DLG2: variants seen among roughly 807,000 people sequenced by gnomAD.
DLG2 encodes the protein disks large homolog 2.
A neutral mutation model predicts 132.5 loss-of-function variants in DLG2; 45 were observed. The ratio of observed to expected loss-of-function variants is 0.34; its 90% CI spans 0.27 to 0.44. DLG2 has a LOEUF of 0.44. Among genes scored for constraint, DLG2 ranks in the 20% least tolerant of loss-of-function variants. DLG2 has a pLI of 1.00. For synonymous variants in DLG2, 424 were observed against 419.6 expected, an observed-to-expected ratio of 1.01 and a Z score of -0.13; for missense variants, 1,045 against 1,196.9, an observed-to-expected ratio of 0.87 and a Z score of 1.87.
intron 6 of DLG2, among the ~76,000 whole-genome samples, chr11:84,670,615 T>C (rs957779185): frequency 2.0e-5 from 3 of 152,136 alleles, no homozygotes; most frequent in African/African-American, 7.2e-5. Context: ...TACAAACCAC[T>C]ATTGATTGAA....
intron 7 of DLG2, among the ~76,000 whole-genome samples, chr11:84,288,760 T>C (rs536663852): frequency 2.6e-5 from 4 of 152,254 alleles, no homozygotes; most frequent in East Asian, 1.9e-4. Context: ...CAAAGCACCA[T>C]AGTCACAGAC....
chr11:84,532,919 G>GAGTA (rs965678517), intron 7 of DLG2, among the ~76,000 whole-genome samples: 18 of 152,298 alleles, frequency 1.2e-4, no homozygotes, highest in African/African-American at 4.3e-4. Context: ...TTTGTAAACA[G>GAGTA]AGTAAGGATC....
chr11:84,934,366 A>C (rs1396470884), intron 6 of DLG2, among the ~76,000 whole-genome samples: 3 of 151,854 alleles, frequency 2.0e-5, no homozygotes, highest in African/African-American at 7.3e-5. Flanking sequence ...AGGTTTGGGT[A>C]TCAGAATGAT....
chr11:84,783,436 G>A (rs1482511404), intron 6 of DLG2, among the ~76,000 whole-genome samples: 1 of 152,020 alleles, frequency 6.6e-6, no homozygotes, highest in Non-Finnish European at 1.5e-5. Context: ...TCTTTCTGTA[G>A]CATCCTTTCT....
intron 4 of DLG2, among the ~76,000 whole-genome samples, chr11:85,164,694 A>T (rs1272894156): frequency 6.6e-6 from 1 of 152,222 alleles, no homozygotes; most frequent in Non-Finnish European, 1.5e-5. Flanking sequence ...TTTAATGAAA[A>T]GTTACAATAA....
chr11:85,344,473 TATG>T (rs1249237656), intron 3 of DLG2, among the ~76,000 whole-genome samples: 11 of 152,212 alleles, frequency 7.2e-5, no homozygotes, highest in Admixed American at 6.6e-4. Context: ...ATAGAATTTA[TATG>T]ATAACTACTT....
intron 3 of DLG2, among the ~76,000 whole-genome samples, chr11:85,355,657 A>G (rs529886951): frequency 6.6e-6 from 1 of 152,152 alleles, no homozygotes; most frequent in African/African-American, 2.4e-5. Flanking sequence ...AAAAGGACTA[A>G]TTTTTTATTT....
chr11:83,540,219 C>T (rs1259050702), intron 20 of DLG2, among the ~76,000 whole-genome samples: 1 of 152,176 alleles, frequency 6.6e-6, no homozygotes, highest in Non-Finnish European at 1.5e-5. Context: ...AACCAAAATG[C>T]ACGTTGTCTT....
intron 7 of DLG2, among the ~76,000 whole-genome samples, chr11:84,426,221 A>T (rs1727629535): frequency 6.6e-6 from 1 of 152,144 alleles, no homozygotes; most frequent in Non-Finnish European, 1.5e-5. Flanking sequence ...GCATGAAGCC[A>T]ATGAGGCCGA....
chr11:84,089,430 C>T (rs1383033657), intron 10 of DLG2, among the ~76,000 whole-genome samples: 4 of 152,016 alleles, frequency 2.6e-5, no homozygotes, highest in South Asian at 4.1e-4. Flanking sequence ...TCTTTCTCAT[C>T]GTGTTCTTAT....
intron 6 of DLG2, among the ~76,000 whole-genome samples, chr11:84,655,674 C>T (rs2154547267): frequency 6.6e-6 from 1 of 151,590 alleles, no homozygotes; most frequent in Middle Eastern, 3.5e-3. Flanking sequence ...TTCAAAATCT[C>T]TCTAAACCTC....
chr11:85,289,402 C>T (rs1401561681), intron 3 of DLG2, among the ~76,000 whole-genome samples: 1 of 152,018 alleles, frequency 6.6e-6, no homozygotes, highest in African/African-American at 2.4e-5. Context: ...CCTTCAATGC[C>T]CAGTTCCAGT....
At chr11:85,424,087 C>A (rs1371769195) in intron 3 of DLG2, among the ~76,000 whole-genome samples, 1 of 152,152 alleles carries the variant, frequency 6.6e-6, no homozygotes, top group East Asian at 1.9e-4. Flanking sequence ...TGCTAGGGGA[C>A]CCATTGCTTC....
intron 11 of DLG2, 137 bp downstream of exon 11, chr11:84,059,178 C>G: frequency 5.5e-6 from 4 of 733,838 alleles, no homozygotes; most frequent in Non-Finnish European, 8.6e-6. Flanking sequence ...CCTTTGTAAC[C>G]ACTACTGTAG....
rs1282592835 is a variant in DLG2, at chr11:83,458,327, A to G, written c.*1491T>C. The G allele has an allele frequency of 6.7e-6, 1 of 150,256 alleles. No homozygotes were observed. Among genetic ancestry groups the G allele is most frequent in the African/African-American group, 2.4e-5 (1 of 41,100 alleles). The allele number at this position is 150,256 out of a possible 1,614,324, so 9.3% of individuals were successfully genotyped here. A position where few individuals can be genotyped will look rare whatever the true frequency, so the allele number is the denominator to read the frequency against. ...TTTGGGAGGTTTCTTTTTTTAAATC[A>G]TCGTTATTATAATTGTTAAAAAATA... On this transcript the variant is annotated 3_prime_UTR_variant, in exon 28 of 28. Transcript: ENST00000376104.
chr11:83,906,084 T>C (rs906998128), intron 15 of DLG2, among the ~76,000 whole-genome samples: 14 of 61,312 alleles, frequency 2.3e-4, no homozygotes, highest in African/African-American at 1.1e-3. Context: ...TCTCTCTCTA[T>C]ATATATATAT....
intron 18 of DLG2, chr11:83,651,966 T>C: frequency 2.2e-6 from 1 of 454,208 alleles, no homozygotes; most frequent in South Asian, 1.6e-5. Flanking sequence ...ACCTGAAATC[T>C]ACACACTTAA....
Position 83,682,380 on chromosome 11 carries a change from G to A in DLG2, c.1826-49055C>T, listed in dbSNP as rs150946698. On this transcript the variant is annotated intron_variant, in intron 18 of 27. Transcript: ENST00000376104. ...CAGGGGGTGACCATGCAGCATTCTC[G>A]CTCACTGGGTACATATATTTCCTTG... 17 of 985,256 alleles carry A rather than the reference G, an allele frequency of 1.7e-5. No homozygotes were observed. The East Asian group carries it at 7.9e-4, about 46-fold the overall frequency. 61.0% of individuals were successfully genotyped at this position (985,256 alleles called of 1,614,324 possible).
intron 8 of DLG2, among the ~76,000 whole-genome samples, chr11:84,237,871 A>T (rs1439185736): frequency 6.6e-6 from 1 of 151,876 alleles, no homozygotes; most frequent in Non-Finnish European, 1.5e-5. Flanking sequence ...CCCTGTCTTT[A>T]CTAAAAAGAA....
Sources: allele counts gnomAD v4.1 joint callset (sites outside exome capture counted in the v4.1 genomes callset), GRCh38; gene constraint gnomAD v4.1.1; transcripts MANE v1.5; gene names NCBI Gene and HGNC (gene_info 2026-07-23, HGNC 2026-07-21).